The following CUX1 variants were observed in gnomAD, a reference collection of about 807,000 sequenced individuals.
CUX1 encodes the protein cut like homeobox 1.
CUX1 carries 31 observed loss-of-function variants against 158.8 expected under a neutral mutation model. The observed-to-expected ratio is 0.20, with a 90% CI of 0.15 to 0.26. The LOEUF is 0.26. Ranked by LOEUF, CUX1 falls within the 10% of genes least tolerant of loss-of-function variation. CUX1 has a pLI of 1.00. For synonymous variants in CUX1, 879 were observed against 862.1 expected, an observed-to-expected ratio of 1.02 and a Z score of -0.34; for missense variants, 1,589 against 2,014.6, an observed-to-expected ratio of 0.79 and a Z score of 4.04.
At chr7:102,159,605 A>C (rs980094330) in intron 9 of CUX1, among the ~76,000 whole-genome samples, 1 of 152,256 alleles carries the variant, frequency 6.6e-6, no homozygotes, top group Non-Finnish European at 1.5e-5. Flanking sequence ...TCACGCCTGT[A>C]ATCCCAGCAG....
downstream of CUX1, among the ~76,000 whole-genome samples, chr7:102,261,859 G>A (rs1432654563): frequency 6.6e-6 from 1 of 152,208 alleles, no homozygotes; most frequent in Non-Finnish European, 1.5e-5. Context: ...GCTCACACCT[G>A]TAATCCCAAG....
chr7:102,197,412 A>T (rs1794907027), intron 15 of CUX1, 107 bp downstream of exon 15: 2 of 1,320,720 alleles, frequency 1.5e-6, no homozygotes, highest in East Asian at 2.3e-5. Flanking sequence ...ACATTTGTGC[A>T]TCACATCAGG....
At chr7:102,280,134 G>A in intron 19 of CUX1, 1 of 1,581,166 alleles carries the variant, frequency 6.3e-7, no homozygotes, top group Non-Finnish European at 8.7e-7. Context: ...CGTGAGCCCA[G>A]CCTGGGCAGG....
At chr7:102,274,850 G>T (rs781836091) in intron 16 of CUX1, among the ~76,000 whole-genome samples, 2 of 152,108 alleles carry the variant, frequency 1.3e-5, no homozygotes, top group African/African-American at 2.4e-5. Context: ...GATACTGGGG[G>T]TGTGCCCATG....
At chr7:101,925,950 C>T (rs1022573635) in intron 2 of CUX1, among the ~76,000 whole-genome samples, 5 of 152,006 alleles carry the variant, frequency 3.3e-5, no homozygotes, top group African/African-American at 1.2e-4. Context: ...AACAAACAAA[C>T]AAACAAACAA....
At position 102,031,063 on chromosome 7, in the gene CUX1, A is replaced by C. The variant is rs747137449; in HGVS notation, c.189+2918A>C. The stretch of plus-strand genomic sequence containing the variant: ...ATCTCCATCACCTTCATTTCTTTTT[A>C]TTTTTATTTTTTCTAGACAGGGTCT... On this transcript the variant is annotated intron_variant, in intron 3 of 23. Transcript: ENST00000292535. 4.8e-4 allele frequency among the ~76,000 whole-genome samples: 72 copies of C among 150,810 alleles called. 1 individual carries two copies. Among genetic ancestry groups the C allele is most frequent in the South Asian group, 4.2e-4 (2 of 4,762 alleles).
At chr7:102,200,269 A>G in intron 17 of CUX1, 97 bp downstream of exon 17, 1 of 927,704 alleles carries the variant, frequency 1.1e-6, no homozygotes, top group Non-Finnish European at 1.6e-6. Context: ...TTTTTTTTAA[A>G]CAATAATGAA....
chr7:101,935,413 C>A (rs1806798704), intron 2 of CUX1, among the ~76,000 whole-genome samples: 2 of 152,198 alleles, frequency 1.3e-5, no homozygotes, highest in Non-Finnish European at 2.9e-5. Context: ...GTTTGGTGGT[C>A]TTTTCACACG....
chr7:102,202,666 C>T (rs2132046755), intron 18 of CUX1, among the ~76,000 whole-genome samples: 1 of 152,284 alleles, frequency 6.6e-6, no homozygotes, highest in Non-Finnish European at 1.5e-5. Flanking sequence ...ACGCAGAGAG[C>T]CAAAAGGGAC....
At chr7:101,821,926 C>G (rs1334604731) in intron 1 of CUX1, among the ~76,000 whole-genome samples, 2 of 146,498 alleles carry the variant, frequency 1.4e-5, no homozygotes, top group African/African-American at 5.1e-5. Context: ...GCGATCTCGG[C>G]TCACTGCAAG....
chr7:101,945,032 A>G (rs1808207057), intron 2 of CUX1, among the ~76,000 whole-genome samples: 1 of 152,132 alleles, frequency 6.6e-6, no homozygotes, highest in African/African-American at 2.4e-5. Flanking sequence ...TTTCCCAGAA[A>G]TTGTCACCCC....
At chr7:101,842,907 C>T (rs1380520645) in intron 1 of CUX1, among the ~76,000 whole-genome samples, 2 of 128,108 alleles carry the variant, frequency 1.6e-5, no homozygotes, top group Non-Finnish European at 3.1e-5. Context: ...GAGTCTCTCT[C>T]TGTCGCCCAG....
chr7:102,214,858 T>C (rs1420882126), intron 20 of CUX1, among the ~76,000 whole-genome samples: 1 of 152,276 alleles, frequency 6.6e-6, no homozygotes, highest in Non-Finnish European at 1.5e-5. Flanking sequence ...TTCCTAAATA[T>C]AGCCCGAGTC....
intron 8 of CUX1, among the ~76,000 whole-genome samples, chr7:102,119,922 G>A (rs1554492947): frequency 6.6e-6 from 1 of 152,164 alleles, no homozygotes; most frequent in Admixed American, 6.5e-5. Flanking sequence ...GCTTCTCTTA[G>A]CAAATGGAGA....
chr7:102,182,180 A>G (rs186209001), intron 11 of CUX1, among the ~76,000 whole-genome samples: 3 of 152,298 alleles, frequency 2.0e-5, no homozygotes, highest in Non-Finnish European at 4.4e-5. Context: ...TGGTTTTCCC[A>G]TGAACACTTG....
At chr7:102,118,974 T>A (rs1431323974) in intron 8 of CUX1, among the ~76,000 whole-genome samples, 3 of 152,198 alleles carry the variant, frequency 2.0e-5, no homozygotes, top group East Asian at 3.9e-4. Flanking sequence ...ATGGTCTTGA[T>A]CTCCTGACCT....
chr7:102,239,725 C>A, intron 23 of CUX1, 141 bp downstream of exon 23: 1 of 908,054 alleles, frequency 1.1e-6, no homozygotes, highest in Non-Finnish European at 1.6e-6. Flanking sequence ...GTTCCTTGGT[C>A]CCTTAGGGTT....
intron 1 of CUX1, among the ~76,000 whole-genome samples, chr7:101,833,935 A>G (rs1292059407): frequency 6.6e-6 from 1 of 152,112 alleles, no homozygotes; most frequent in Non-Finnish European, 1.5e-5. Context: ...AATGGGACGC[A>G]CAGTGTTCAC....
chr7:102,054,334 A>G (rs576749607), intron 3 of CUX1, among the ~76,000 whole-genome samples: 2 of 152,246 alleles, frequency 1.3e-5, no homozygotes, highest in Non-Finnish European at 2.9e-5. Flanking sequence ...TAATTTTTGC[A>G]TATGGTGTGA....
Sources: gnomAD v4.1 joint callset for allele counts (sites outside exome capture counted in the v4.1 genomes callset) on GRCh38, gnomAD v4.1.1 for gene constraint, MANE v1.5 for transcripts, NCBI Gene and HGNC (gene_info 2026-07-23, HGNC 2026-07-21) for gene names.